SLC24A4: variants seen among roughly 807,000 people sequenced by gnomAD.
The protein encoded by SLC24A4 is sodium/potassium/calcium exchanger 4.
A neutral mutation model predicts 79.0 loss-of-function variants in SLC24A4; 53 were observed. The observed-to-expected ratio is 0.67, with a 90% confidence interval of 0.54 to 0.84. SLC24A4 has a LOEUF of 0.84. SLC24A4 is among the 40% of genes least tolerant of loss of function. The pLI is 0.00. For missense variants in SLC24A4, 731 were observed against 822.0 expected (o/e 0.89, Z 1.35); for synonymous variants, 323 against 323.8 (o/e 1.00, Z 0.03).
intron 10 of SLC24A4, chr14:92,451,225 G>C (rs907834221): frequency 1.3e-5 from 2 of 152,224 alleles, no homozygotes; most frequent in Non-Finnish European, 2.9e-5. Flanking sequence ...TGGAATTGGA[G>C]AAAGGGGAGA....
At chr14:92,325,135 A>G (rs78598185) in intron 1 of SLC24A4, among the ~76,000 whole-genome samples, 9,840 of 152,292 alleles carry the variant, frequency 0.065, 398 homozygotes, top group Middle Eastern at 0.13. Context: ...GCTCTTAGAC[A>G]TCAGCATTAT....
At chr14:92,361,275 T>C (rs1887500065) in intron 2 of SLC24A4, among the ~76,000 whole-genome samples, 1 of 112,964 alleles carries the variant, frequency 8.9e-6, no homozygotes, top group South Asian at 3.8e-4. Context: ...CTGTCCTAGC[T>C]AACAACTATT....
chr14:92,443,234 G>A (rs1246183248), intron 6 of SLC24A4, 166 bp from the exon 7 acceptor site: 2 of 676,148 alleles, frequency 3.0e-6, no homozygotes, highest in African/African-American at 1.8e-5. Flanking sequence ...AACATTACTT[G>A]GTTTCATTCT....
intron 2 of SLC24A4, among the ~76,000 whole-genome samples, chr14:92,412,348 A>C (rs1201009655): frequency 1.3e-5 from 2 of 152,192 alleles, no homozygotes; most frequent in Admixed American, 1.3e-4. Context: ...CACCCAAATC[A>C]TATGGATGAG....
chr14:92,374,248 T>C (rs1888372272), intron 2 of SLC24A4, among the ~76,000 whole-genome samples: 1 of 152,206 alleles, frequency 6.6e-6, no homozygotes, highest in Non-Finnish European at 1.5e-5. Context: ...TAGGCCCCCA[T>C]GGTGGCTTTC....
chr14:92,475,537 G>A (rs575410252), intron 12 of SLC24A4, among the ~76,000 whole-genome samples: 4 of 152,334 alleles, frequency 2.6e-5, no homozygotes, highest in African/African-American at 9.6e-5. Context: ...ACAGAAGGGA[G>A]AGATCACCAT....
At chr14:92,472,142 CTT>C (rs1894470637) in intron 12 of SLC24A4, among the ~76,000 whole-genome samples, 1 of 152,274 alleles carries the variant, frequency 6.6e-6, no homozygotes, top group East Asian at 1.9e-4. Context: ...CCATCTGGCT[CTT>C]ATACTCCAGG....
chr14:92,386,155 G>GT (rs1319797531), intron 2 of SLC24A4, among the ~76,000 whole-genome samples: 4 of 152,106 alleles, frequency 2.6e-5, no homozygotes, highest in South Asian at 2.1e-4. Flanking sequence ...TCATGGTTTC[G>GT]TTTTTTTCCC....
rs117091239 is a variant in SLC24A4 at position 92,335,101 on chromosome 14, T to G, written c.241+9123T>G. Among the ~76,000 whole-genome samples, 77 of 152,210 alleles carry G rather than the reference T, an allele frequency of 5.1e-4. 1 individual carries two copies. The East Asian group carries it at 0.015, about 29-fold the overall frequency. On this transcript the variant is annotated intron_variant, in intron 2 of 16. Coordinates refer to ENST00000532405, the MANE Select transcript of SLC24A4 (RefSeq NM_153646.4). Reference sequence around the variant, plus strand: ...GCCAACAAAAAGCAGAGTCAGTGGTTTATGTGTTTTTAATTAATCGCTTTA... The same window carrying G: ...GCCAACAAAAAGCAGAGTCAGTGGTGTATGTGTTTTTAATTAATCGCTTTA...
chr14:92,360,837 A>G (rs78282734), intron 2 of SLC24A4, among the ~76,000 whole-genome samples: 12,872 of 152,284 alleles, frequency 0.085, 667 homozygotes, highest in Non-Finnish European at 0.12. Context: ...CCACACAGCC[A>G]CGTTACCACG....
chr14:92,368,090 A>G (rs931823912), intron 2 of SLC24A4, among the ~76,000 whole-genome samples: 9 of 152,230 alleles, frequency 5.9e-5, no homozygotes, highest in Admixed American at 5.9e-4. Flanking sequence ...TATTAGTGAA[A>G]AAATGTTGGA....
intron 10 of SLC24A4, among the ~76,000 whole-genome samples, chr14:92,449,589 A>T (rs1328719064): frequency 6.6e-6 from 1 of 152,212 alleles, no homozygotes; most frequent in Non-Finnish European, 1.5e-5. Context: ...GCAGCTGAGG[A>T]GCTGGGGCAG....
At chr14:92,371,538 G>A (rs1440699932) in intron 2 of SLC24A4, among the ~76,000 whole-genome samples, 1 of 152,192 alleles carries the variant, frequency 6.6e-6, no homozygotes, top group African/African-American at 2.4e-5. Context: ...GTCCTAATCA[G>A]TTTTTCACAC....
chr14:92,445,380 G>C, intron 8 of SLC24A4, 38 bp downstream of exon 8: 1 of 1,607,798 alleles, frequency 6.2e-7, no homozygotes, highest in South Asian at 1.1e-5. Context: ...GTTCTTTTTT[G>C]TTGTTGTTTC....
At chr14:92,326,759 A>G (rs1885167526) in intron 2 of SLC24A4, among the ~76,000 whole-genome samples, 1 of 152,186 alleles carries the variant, frequency 6.6e-6, no homozygotes, top group Non-Finnish European at 1.5e-5. Flanking sequence ...GGGGGATGAT[A>G]CATTCACAAG....
intron 4 of SLC24A4, among the ~76,000 whole-genome samples, chr14:92,439,765 G>T (rs987190626): frequency 7.9e-5 from 12 of 152,260 alleles, no homozygotes; most frequent in African/African-American, 2.9e-4. Context: ...GCTGCAAGTG[G>T]CAGGTGACAG....
chr14:92,443,345 C>T, intron 6 of SLC24A4, 55 bp from the exon 7 acceptor site: 3 of 1,564,932 alleles, frequency 1.9e-6, no homozygotes, highest in Admixed American at 3.4e-5. Context: ...TGGGCAGCTG[C>T]ACCCCCTCCC....
Position 92,480,052 on chromosome 14 carries a change from T to C in SLC24A4, c.1256-2628T>C, listed in dbSNP as rs114491527. Reference sequence around the variant, plus strand: ...TTCCTGATTTTAGTAATTTGAATCTTCTCTCTTTTTTTCTTGGTCAGTCTA... The same window carrying C: ...TTCCTGATTTTAGTAATTTGAATCTCCTCTCTTTTTTTCTTGGTCAGTCTA... On this transcript the variant is annotated intron_variant, in intron 12 of 16. Transcript: ENST00000532405. Among the ~76,000 whole-genome samples the C allele has an allele frequency of 4.7e-3, 721 of 152,204 alleles. 4 individuals are homozygous for C. The highest frequency in any genetic ancestry group is 0.017 in the African/African-American group (697 of 41,548).
At chr14:92,489,240 C>G (rs546709422) in intron 14 of SLC24A4, among the ~76,000 whole-genome samples, 53 of 151,948 alleles carry the variant, frequency 3.5e-4, no homozygotes, top group African/African-American at 1.2e-3. Flanking sequence ...GAGTTTGAGA[C>G]CAGCCTGGCC....
Sources: allele counts gnomAD v4.1 joint callset (sites outside exome capture counted in the v4.1 genomes callset), GRCh38; gene constraint gnomAD v4.1.1; transcripts MANE v1.5; gene names NCBI Gene and HGNC (gene_info 2026-07-23, HGNC 2026-07-21).